SDAD1: variants seen among roughly 807,000 people sequenced by gnomAD.
SDAD1 encodes SDA1 domain containing 1.
SDAD1 carries 79 observed loss-of-function variants against 100.3 expected under a neutral mutation model. The observed-to-expected ratio is 0.79, with a 90% confidence interval of 0.66 to 0.95. SDAD1 has a LOEUF of 0.95. Ranked by LOEUF, SDAD1 falls within the 40% of genes least tolerant of loss-of-function variation. The pLI is 0.00. For synonymous variants in SDAD1, 267 were observed against 271.4 expected (o/e 0.98, Z 0.16); for missense variants, 790 against 810.9 (o/e 0.97, Z 0.31).
intron 17 of SDAD1, 35 bp downstream of exon 17, chr4:75,960,031 G>A: frequency 6.3e-7 from 1 of 1,592,364 alleles, no homozygotes; most frequent in South Asian, 1.1e-5. Context: ...CTGCAGGAGT[G>A]TTTTGCCCAA....
intron 1 of SDAD1, 194 bp downstream of exon 1, chr4:75,990,558 A>G: frequency 8.7e-7 from 1 of 1,151,080 alleles, no homozygotes; most frequent in Non-Finnish European, 1.2e-6. Context: ...AAGGGGCAAC[A>G]GATTTTCAAG....
intron 3 of SDAD1, among the ~76,000 whole-genome samples, chr4:75,978,190 G>T (rs1730264917): frequency 6.6e-6 from 1 of 150,504 alleles, no homozygotes; most frequent in Non-Finnish European, 1.5e-5. Context: ...AGTACCATCA[G>T]CACTAAGAAT....
intron 3 of SDAD1, among the ~76,000 whole-genome samples, chr4:75,979,348 T>G (rs965375567): frequency 2.6e-5 from 4 of 152,126 alleles, no homozygotes; most frequent in Non-Finnish European, 5.9e-5. Flanking sequence ...TGATAAGAAT[T>G]GTTGGTTATC....
chr4:75,986,738 CT>C (rs1372012272), intron 1 of SDAD1, among the ~76,000 whole-genome samples: 11 of 152,082 alleles, frequency 7.2e-5, no homozygotes, highest in African/African-American at 2.7e-4. Flanking sequence ...CAAAAAACAC[CT>C]TTCTTGGTTG....
chr4:75,975,894 T>C, intron 5 of SDAD1, 30 bp downstream of exon 5: 1 of 1,601,666 alleles, frequency 6.2e-7, no homozygotes, highest in East Asian at 2.2e-5. Flanking sequence ...GGTACAATGC[T>C]GCAAACATGG....
intron 21 of SDAD1, 67 bp from the exon 22 acceptor site, chr4:75,950,864 T>C: frequency 9.1e-7 from 1 of 1,100,172 alleles, no homozygotes; most frequent in Non-Finnish European, 1.3e-6. Flanking sequence ...TTTGGTTACA[T>C]GAAAGTTTAC....
rs183864560 is a variant in SDAD1 at position 75,984,327 on chromosome 4, G to T, written c.91-2290C>A. On this transcript the variant is annotated intron_variant, in intron 1 of 21. Coordinates refer to ENST00000356260, the MANE Select transcript of SDAD1 (RefSeq NM_018115.4). ...CAGACGTTCACCACCATACCCAGCT[G>T]ATTTTTCATTTTTATTTTTTGTAGA... Among the ~76,000 whole-genome samples, 310 of 152,070 alleles carry T rather than the reference G, an allele frequency of 2.0e-3. 1 individual carries two copies. Among genetic ancestry groups the T allele is most frequent in the Non-Finnish European group, 2.6e-3 (175 of 67,974 alleles).
At chr4:75,977,546 A>C in intron 4 of SDAD1, 100 bp downstream of exon 4, 1 of 794,796 alleles carries the variant, frequency 1.3e-6, no homozygotes. Flanking sequence ...TTTCCTGTTA[A>C]AGTTATTATT....
At chr4:75,974,920 T>C (rs1055153507) in intron 6 of SDAD1, among the ~76,000 whole-genome samples, 46 of 150,834 alleles carry the variant, frequency 3.0e-4, no homozygotes, top group Admixed American at 7.9e-4. Context: ...TGCATGCCTG[T>C]AGTCCCAGCT....
intron 14 of SDAD1, among the ~76,000 whole-genome samples, chr4:75,962,973 T>G (rs1729332464): frequency 6.6e-6 from 1 of 152,246 alleles, no homozygotes; most frequent in African/African-American, 2.4e-5. Context: ...TGTCCATGCC[T>G]ATGTCCTGAA....
rs548824312 is a variant in SDAD1, at chr4:75,983,168, A to G, written c.91-1131T>C. The stretch of plus-strand genomic sequence containing the variant: ...TAGTATTCCATGGTATATATGTGCC[A>G]TATTTTCTTTATCTAGTCTATCATT... On this transcript the variant is annotated intron_variant, in intron 1 of 21. Coordinates refer to ENST00000356260, the MANE Select transcript of SDAD1 (RefSeq NM_018115.4). Among the ~76,000 whole-genome samples, 350 of 152,322 alleles carry G rather than the reference A, an allele frequency of 2.3e-3. 1 individual carries two copies. The highest frequency in any genetic ancestry group is 7.9e-3 in the African/African-American group (328 of 41,566).
intron 17 of SDAD1, 80 bp downstream of exon 17, chr4:75,959,986 T>G: frequency 7.1e-7 from 1 of 1,414,066 alleles, no homozygotes; most frequent in African/African-American, 1.4e-5. Flanking sequence ...GAATGAATGT[T>G]CAAATAGTAT....
intron 3 of SDAD1, 127 bp from the exon 4 acceptor site, chr4:75,977,883 C>CA: frequency 3.3e-6 from 2 of 611,874 alleles, no homozygotes; most frequent in Non-Finnish European, 5.7e-6. Flanking sequence ...TCAGAATAGT[C>CA]AGTCTCTGCC....
At chr4:75,950,832 C>T in intron 21 of SDAD1, 35 bp from the exon 22 acceptor site, 2 of 1,454,456 alleles carry the variant, frequency 1.4e-6, no homozygotes, top group Non-Finnish European at 1.9e-6. Flanking sequence ...CATGATAACT[C>T]TTGGGTACCC....
rs774701687 is a variant in SDAD1 at position 75,956,112 on chromosome 4, A to G, written c.1879T>C (p.Phe627Leu). ...AMAGKTDRKE[F>L]VRKKTKTNPF... ...TTTGTTTTGGTTTTCTTCCTCACAAATTCTTTTCGGTCTGTCTTTCCAGCC... is the reference window on the plus strand; with the variant it reads ...TTTGTTTTGGTTTTCTTCCTCACAAGTTCTTTTCGGTCTGTCTTTCCAGCC... Residue 627 changes from phenylalanine (F) to leucine (L), a missense_variant, in exon 21 of 22, where the codon TTT (phenylalanine) becomes CTT (leucine). Physicochemically the swap from Phe to Leu is conservative, Grantham distance 22. Transcript: ENST00000356260. The G allele has an allele frequency of 1.9e-6, 3 of 1,608,220 alleles. No homozygotes were observed. The highest frequency in any genetic ancestry group is 2.5e-6 in the Non-Finnish European group (3 of 1,178,684).
At chr4:75,981,157 A>C (rs138492703) in intron 3 of SDAD1, among the ~76,000 whole-genome samples, 1 of 152,360 alleles carries the variant, frequency 6.6e-6, no homozygotes, top group East Asian at 1.9e-4. Context: ...ACAGGCTGGA[A>C]GCAGATCATG....
At chr4:75,952,902 T>C (rs1249339818) in intron 21 of SDAD1, among the ~76,000 whole-genome samples, 1 of 152,266 alleles carries the variant, frequency 6.6e-6, no homozygotes, top group Non-Finnish European at 1.5e-5. Context: ...TATACTGGGT[T>C]AAATAAGATA....
chr4:75,965,741 G>A, intron 13 of SDAD1, 23 bp downstream of exon 13: 1 of 1,606,354 alleles, frequency 6.2e-7, no homozygotes, highest in Non-Finnish European at 8.5e-7. Context: ...CCTAGGTCCA[G>A]AAGTCAGGTT....
At chr4:75,983,636 GTT>G (rs573445860) in intron 1 of SDAD1, among the ~76,000 whole-genome samples, 3,068 of 149,184 alleles carry the variant, frequency 0.021, 39 homozygotes, top group Non-Finnish European at 0.031. Context: ...TTTTGATGGG[GTT>G]TTTTTTTTCT....
Sources: allele counts gnomAD v4.1 joint callset (sites outside exome capture counted in the v4.1 genomes callset), GRCh38; gene constraint gnomAD v4.1.1; transcripts MANE v1.5; gene names NCBI Gene and HGNC (gene_info 2026-07-23, HGNC 2026-07-21).